The following TCOF1 variants were observed in gnomAD, a reference collection of about 807,000 sequenced individuals.
TCOF1 encodes treacle ribosome biogenesis factor 1, also known as treacle protein.
In TCOF1, 33 loss-of-function variants were observed where a neutral mutation model predicts 149.0. That is an observed-to-expected ratio of 0.22 (90% CI 0.17 to 0.30). The LOEUF (loss-of-function observed/expected upper bound fraction) is 0.30, where lower values mean the gene tolerates loss of function less well. Among genes scored for constraint, TCOF1 ranks in the 10% least tolerant of loss-of-function variants. TCOF1 has a pLI of 1.00. For synonymous variants in TCOF1, 789 were observed against 738.8 expected (o/e 1.07, Z -1.10); for missense variants, 1,728 against 1,840.7 (o/e 0.94, Z 1.12).
Position 150,387,970 on chromosome 5 carries a change from A to G in TCOF1, c.2928A>G (p.Ala976=). The G allele has an allele frequency of 6.2e-7, 1 of 1,613,846 alleles. No homozygotes were observed. Among genetic ancestry groups the G allele is most frequent in the Non-Finnish European group, 8.5e-7 (1 of 1,180,006 alleles). The change falls in exon 18 of 27, where the codon GCA becomes GCG. Residue 976 remains alanine, a synonymous_variant. Transcript: ENST00000643257. ...RSPAGPAATP[A]QAQAASTPRK... is the part of the protein sequence containing the mutation. Reference sequence around the variant, plus strand: ...CAGCTGGCCCAGCTGCTACACCCGCACAAGCCCAGGCTGCAAGCACCCCGA... The same window carrying G: ...CAGCTGGCCCAGCTGCTACACCCGCGCAAGCCCAGGCTGCAAGCACCCCGA...
In TCOF1 at chr5:150,391,594, G is replaced by A; in HGVS notation, c.3234G>A (p.Lys1078=). The A allele has an allele frequency of 1.2e-6, 2 of 1,614,150 alleles. No homozygotes were observed. The highest frequency in any genetic ancestry group is 8.5e-7 in the Non-Finnish European group (1 of 1,180,040). ...ASLPLTQAAL[K]VLAQKASEAQ... is the part of the protein sequence containing the mutation. ...TCCCACTGACCCAGGCTGCCCTGAA[G>A]GTCCTCGCCCAGAAAGCCAGTGAGG... The change falls in exon 20 of 27, where the codon AAG becomes AAA. Residue 1078 remains lysine, a synonymous_variant. Coordinates refer to ENST00000643257, the MANE Select transcript of TCOF1 (RefSeq NM_001371623.1).
chr5:150,396,741 A>G lies in TCOF1; in HGVS notation c.4244A>G (p.Lys1415Arg). The G allele has an allele frequency of 6.2e-7, 1 of 1,612,342 alleles. No individual in the cohort carries two copies. Among genetic ancestry groups the G allele is most frequent in the Non-Finnish European group, 8.5e-7 (1 of 1,179,546 alleles). ...GKGSLGSQGA[K>R]DEPEEELQKG... is the part of the protein sequence containing the mutation. ...GGGTCTCTTGGCTCCCAAGGGGCCA[A>G]GGACGAGCCAGAAGAGGAGCTTCAG... Residue 1415 changes from lysine to arginine, a missense_variant, in exon 24 of 27, where the codon AAG becomes AGG. Lys to Arg is a conservative substitution (Grantham distance 26). Around this residue, in one of 2 missense-constraint regions of TCOF1, gnomAD observed 1,696 missense variants for 1,765.4 expected, o/e 0.96. Transcript: ENST00000643257.
Position 150,396,459 on chromosome 5 carries a change from C to A in TCOF1, c.3962C>A (p.Thr1321Asn). ...CAGGCCTCAGTGGTGAAGGTCCTGA[C>A]TGAGCTGCTGGAACAGGAAAGAAAG... ...QVQASVVKVL[T>N]ELLEQERKKV... is the part of the protein sequence containing the mutation. Residue 1321 changes from threonine to asparagine, a missense_variant, in exon 24 of 27, where the codon ACT (threonine) becomes AAT (asparagine). Thr to Asn is a moderately conservative substitution (Grantham distance 65, BLOSUM62 0). Around this residue, in one of 2 missense-constraint regions of TCOF1, gnomAD observed 1,696 missense variants for 1,765.4 expected, o/e 0.96. Coordinates refer to ENST00000643257, the MANE Select transcript of TCOF1 (RefSeq NM_001371623.1). 1 of 1,614,032 alleles carries A rather than the reference C, an allele frequency of 6.2e-7. No individual in the cohort carries two copies. The highest frequency in any genetic ancestry group is 1.3e-5 in the African/African-American group (1 of 75,048).
chr5:150,364,302 A>G, intron 3 of TCOF1, 50 bp downstream of exon 3: 1 of 1,611,980 alleles, frequency 6.2e-7, no homozygotes. Context: ...TGATTGTTCT[A>G]GGGTAGAGTC....
In TCOF1 at chr5:150,393,301, G is replaced by A. The variant is rs1390327038; in HGVS notation, c.3604-71G>A. On this transcript the variant is annotated intron_variant, in intron 22 of 26. Transcript: ENST00000643257. Reference sequence around the variant, plus strand: ...CCCCAGGCTGCTTTCCTCACAGCAGGCCATGACTCGGGCTGGGTTATGGCA... The same window carrying A: ...CCCCAGGCTGCTTTCCTCACAGCAGACCATGACTCGGGCTGGGTTATGGCA... The A allele has an allele frequency of 3.1e-6, 5 of 1,599,154 alleles. No homozygotes were observed. The East Asian group carries it at 1.1e-4, about 36-fold the overall frequency.
chr5:150,382,112 G>C (rs1765337759), intron 17 of TCOF1, among the ~76,000 whole-genome samples: 1 of 152,210 alleles, frequency 6.6e-6, no homozygotes, highest in Non-Finnish European at 1.5e-5. Context: ...TGAACCTGTG[G>C]AGGAGGAGGT....
chr5:150,365,862 G>A (rs1217549816), intron 3 of TCOF1, among the ~76,000 whole-genome samples: 1 of 151,798 alleles, frequency 6.6e-6, no homozygotes, highest in African/African-American at 2.4e-5. Flanking sequence ...CACACCCACC[G>A]GTAATCCCAG....
chr5:150,363,682 C>A (rs1760670678), intron 2 of TCOF1, among the ~76,000 whole-genome samples: 1 of 152,088 alleles, frequency 6.6e-6, no homozygotes, highest in Non-Finnish European at 1.5e-5. Flanking sequence ...GGAAGAGGGG[C>A]AATCTTCGAG....
At chr5:150,394,135 C>T (rs1013039534) in intron 23 of TCOF1, 2 of 157,628 alleles carry the variant, frequency 1.3e-5, no homozygotes, top group African/African-American at 4.8e-5. Flanking sequence ...GCCCTTGCCT[C>T]AGAGGAAGCT....
At position 150,379,682 on chromosome 5, in the gene TCOF1, G is replaced by A. The variant is rs372917861; in HGVS notation, c.2809G>A (p.Glu937Lys). The A allele has an allele frequency of 1.1e-5, 18 of 1,614,186 alleles. No individual in the cohort carries two copies. Among genetic ancestry groups the A allele is most frequent in the African/African-American group, 5.3e-5 (4 of 75,052 alleles). The change falls in exon 17 of 27, where the codon GAG becomes AAG. Residue 937 changes from glutamate to lysine, a missense_variant. Around this residue, in one of 2 missense-constraint regions of TCOF1, gnomAD observed 1,696 missense variants for 1,765.4 expected, o/e 0.96. Coordinates refer to ENST00000643257, the MANE Select transcript of TCOF1 (RefSeq NM_001371623.1). The stretch of plus-strand genomic sequence containing the variant: ...GCAGGATGACTCAGGGAGCAGCAGC[G>A]AGGAATCAGACAGTGATGGGGAGGC... ...GKQDDSGSSS[E>K]ESDSDGEAPA...
At chr5:150,394,504 G>A (rs1193149043) in intron 23 of TCOF1, 1 of 152,214 alleles carries the variant, frequency 6.6e-6, no homozygotes, top group African/African-American at 2.4e-5. Flanking sequence ...CACCTAACCT[G>A]GGGCATCCAC....
At position 150,379,609 on chromosome 5, in the gene TCOF1, C is replaced by G. The variant is rs537933848; in HGVS notation, c.2736C>G (p.Ala912=). 32 of 1,613,950 alleles carry G rather than the reference C, an allele frequency of 2.0e-5. 1 individual carries two copies. Among genetic ancestry groups the G allele is most frequent in the African/African-American group, 1.5e-4 (11 of 74,970 alleles). Residue 912 remains alanine, a synonymous_variant, in exon 17 of 27, where the codon GCC becomes GCG. Transcript: ENST00000643257. The part of the protein sequence containing the change: ...PAKESPRKGA[A]PTPPGKTGPS... ...AGGAGTCCCCCAGGAAAGGGGCTGC[C>G]CCAACACCTCCTGGGAAGACAGGGC...
intron 22 of TCOF1, 131 bp from the exon 23 acceptor site, chr5:150,393,241 C>G (rs943717141): frequency 4.6e-6 from 5 of 1,081,530 alleles, no homozygotes; most frequent in Non-Finnish European, 7.0e-6. Flanking sequence ...GTTGTCCACC[C>G]ACTCTGCACT....
At chr5:150,398,068 G>A (rs1056520987) in intron 24 of TCOF1, among the ~76,000 whole-genome samples, 2 of 152,160 alleles carry the variant, frequency 1.3e-5, no homozygotes, top group African/African-American at 2.4e-5. Context: ...GACCACAGGC[G>A]TGCACCACCA....
chr5:150,388,257 A>G (rs1197326252), intron 18 of TCOF1, among the ~76,000 whole-genome samples, 169 bp downstream of exon 18: 1 of 152,238 alleles, frequency 6.6e-6, no homozygotes, highest in Non-Finnish European at 1.5e-5. Flanking sequence ...GGCCTGGCTC[A>G]GACCTGCAGT....
At position 150,374,480 on chromosome 5, in the gene TCOF1, C is replaced by A. The variant is rs201781494; in HGVS notation, c.1083+94C>A. ...TCCCACTCTGGGCCAGAGCCCCGGG[C>A]GTGCCTCAGACCCCAGCCCCTTACT... On this transcript the variant is annotated intron_variant, in intron 8 of 26. Coordinates refer to ENST00000643257, the MANE Select transcript of TCOF1 (RefSeq NM_001371623.1). 3 of 1,548,822 alleles carry A rather than the reference C, an allele frequency of 1.9e-6. No individual in the cohort carries two copies. In the East Asian group the frequency reaches 7.1e-5, roughly 37 times the overall value.
At position 150,379,364 on chromosome 5, in the gene TCOF1, G is replaced by A. The variant is rs746560886; in HGVS notation, c.2614G>A (p.Glu872Lys). 13 of 1,613,420 alleles carry A rather than the reference G, an allele frequency of 8.1e-6. No homozygotes were observed. The Admixed American group carries it at 2.0e-4, about 25-fold the overall frequency. ...TGPEEDSGSS[E>K]EESDSEEEAE... is the part of the protein sequence containing the mutation. The stretch of plus-strand genomic sequence containing the variant: ...GCCAGAGGAGGACTCAGGGAGCAGT[G>A]AGGAGGAGTCAGACAGTGAGGAGGA... The change falls in exon 16 of 27, where the codon GAG (glutamate) becomes AAG (lysine). Residue 872 changes from glutamate to lysine, a missense_variant. Around this residue, in one of 2 missense-constraint regions of TCOF1, gnomAD observed 1,696 missense variants for 1,765.4 expected, o/e 0.96. Coordinates refer to ENST00000643257, the MANE Select transcript of TCOF1 (RefSeq NM_001371623.1).
chr5:150,378,623 A>G, intron 14 of TCOF1: 1 of 469,886 alleles, frequency 2.1e-6, no homozygotes. Flanking sequence ...GAAGGCACGC[A>G]CAATGAGTTT....
At chr5:150,360,623 G>T (rs575650882) in intron 1 of TCOF1, among the ~76,000 whole-genome samples, 2 of 152,144 alleles carry the variant, frequency 1.3e-5, no homozygotes, top group Non-Finnish European at 2.9e-5. Context: ...TTTCAAAGGG[G>T]TTGTCTAAAA....
Sources: gnomAD v4.1 joint callset for allele counts (sites outside exome capture counted in the v4.1 genomes callset) on GRCh38, gnomAD v4.1.1 for gene constraint, gnomAD v4.1.1 regional missense constraint, MANE v1.5 for transcripts, NCBI Gene and HGNC (gene_info 2026-07-23, HGNC 2026-07-21) for gene names.